The following SEPHS1 variants were observed in gnomAD, a reference collection of about 807,000 sequenced individuals.
SEPHS1 encodes selenophosphate synthetase 1, also known as zincore component SEPHS1.
A neutral mutation model predicts 39.2 loss-of-function variants in SEPHS1; 7 were observed. The observed-to-expected ratio is 0.18, with a 90% CI of 0.10 to 0.34. SEPHS1 has a LOEUF of 0.34. Among genes scored for constraint, SEPHS1 ranks in the 10% least tolerant of loss-of-function variants. The pLI is 1.00. For synonymous variants in SEPHS1, 190 were observed against 195.5 expected, an observed-to-expected ratio of 0.97 and a Z score of 0.23; for missense variants, 253 against 514.5, an observed-to-expected ratio of 0.49 and a Z score of 4.92.
intron 7 of SEPHS1, among the ~76,000 whole-genome samples, chr10:13,326,344 G>C (rs193156029): frequency 6.6e-6 from 1 of 152,052 alleles, no homozygotes; most frequent in African/African-American, 2.4e-5. Context: ...CGTGGTGGCG[G>C]GCGCCTATAA....
chr10:13,336,397 T>C (rs1833635825), intron 3 of SEPHS1, 47 bp from the exon 4 acceptor site: 2 of 1,426,804 alleles, frequency 1.4e-6, no homozygotes, highest in Middle Eastern at 1.7e-4. Context: ...GGACTTTCCA[T>C]CTGCAGAAAC....
At chr10:13,338,625 A>G (rs1249542695) in intron 3 of SEPHS1, 80 bp downstream of exon 3, 1 of 1,101,306 alleles carries the variant, frequency 9.1e-7, no homozygotes, top group East Asian at 2.4e-5. Flanking sequence ...AACCCCACAG[A>G]TACATACAAA....
intron 5 of SEPHS1, among the ~76,000 whole-genome samples, chr10:13,332,805 T>G (rs1265684457): frequency 6.6e-6 from 1 of 150,516 alleles, no homozygotes; most frequent in Non-Finnish European, 1.5e-5. Context: ...ATCATACCAC[T>G]GCACTCCAGC....
intron 2 of SEPHS1, 172 bp from the exon 3 acceptor site, chr10:13,338,980 T>C: frequency 3.3e-6 from 2 of 615,130 alleles, no homozygotes; most frequent in East Asian, 2.8e-5. Context: ...ACGTGAAACA[T>C]ATCCAGCTTA....
At chr10:13,327,095 G>A (rs10752295) in intron 7 of SEPHS1, among the ~76,000 whole-genome samples, 62,559 of 151,554 alleles carry the variant, frequency 0.41, 14,472 homozygotes, top group East Asian at 0.69. Flanking sequence ...AAAATCCGCC[G>A]GGCATGGTGA....
At chr10:13,338,654 A>G in intron 3 of SEPHS1, 51 bp downstream of exon 3, 1 of 1,455,632 alleles carries the variant, frequency 6.9e-7, no homozygotes, top group South Asian at 1.1e-5. Context: ...CACAACCCAA[A>G]CCAAACAAAT....
chr10:13,330,319 G>A (rs887558771), intron 5 of SEPHS1, among the ~76,000 whole-genome samples: 1 of 152,044 alleles, frequency 6.6e-6, no homozygotes, highest in African/African-American at 2.4e-5. Flanking sequence ...GGGGTTTGGT[G>A]GATTTGCAGG....
At chr10:13,326,672 C>T (rs1588536227) in intron 7 of SEPHS1, among the ~76,000 whole-genome samples, 1 of 151,704 alleles carries the variant, frequency 6.6e-6, no homozygotes, top group Admixed American at 6.6e-5. Context: ...CTCAGCCTCT[C>T]GAGTAGCTTA....
chr10:13,330,780 A>G (rs1296625660), intron 5 of SEPHS1, among the ~76,000 whole-genome samples: 1 of 152,158 alleles, frequency 6.6e-6, no homozygotes, highest in African/African-American at 2.4e-5. Context: ...ACCTGAAGAC[A>G]TAAATGTCTT....
intron 3 of SEPHS1, among the ~76,000 whole-genome samples, chr10:13,338,145 G>T (rs1833692577): frequency 6.6e-6 from 1 of 152,188 alleles, no homozygotes; most frequent in Non-Finnish European, 1.5e-5. Context: ...TAACTCAGTG[G>T]TCAGAAACCT....
Position 13,322,819 on chromosome 10 carries a change from G to A in SEPHS1, c.964+16C>T, listed in dbSNP as rs200972304. 115 of 1,609,708 alleles carry A rather than the reference G, an allele frequency of 7.1e-5. No homozygotes were observed. Among genetic ancestry groups the A allele is most frequent in the Middle Eastern group, 2.0e-4 (1 of 4,994 alleles). Reference sequence around the variant, plus strand: ...GCCTCACTATTTAGTCCTCAGATGCGCCCAGCATCCTGTACCTGAAGTCTC... The same window carrying A: ...GCCTCACTATTTAGTCCTCAGATGCACCCAGCATCCTGTACCTGAAGTCTC... On this transcript the variant is annotated intron_variant, in intron 8 of 8. Coordinates refer to ENST00000327347, the MANE Select transcript of SEPHS1 (RefSeq NM_012247.5).
intron 7 of SEPHS1, among the ~76,000 whole-genome samples, chr10:13,325,396 G>A (rs1033706996): frequency 3.9e-5 from 6 of 152,202 alleles, no homozygotes; most frequent in Non-Finnish European, 7.3e-5. Context: ...GGAGGTGACT[G>A]AATCATGAGG....
At chr10:13,343,995 T>C (rs890491958) in intron 2 of SEPHS1, among the ~76,000 whole-genome samples, 3 of 152,126 alleles carry the variant, frequency 2.0e-5, no homozygotes, top group Non-Finnish European at 2.9e-5. Flanking sequence ...AGCTCTGTGT[T>C]TGGGAAAAGT....
chr10:13,323,109 T>A, intron 7 of SEPHS1, 62 bp from the exon 8 acceptor site: 4 of 1,358,886 alleles, frequency 2.9e-6, no homozygotes, highest in Non-Finnish European at 4.2e-6. Context: ...AAATCTTACG[T>A]CCACAATTAA....
At position 13,344,760 on chromosome 10, in the gene SEPHS1, A is replaced by G; in HGVS notation, c.191T>C (p.Leu64Pro). The change falls in exon 2 of 9, where the codon CTT becomes CCT. Residue 64 changes from leucine to proline, a missense_variant and splice_region_variant. Leu to Pro is a moderately conservative substitution (Grantham distance 98, BLOSUM62 -3). Transcript: ENST00000327347. ...CAAAGAAACACTGGGTTACCTACCA[A>G]GCCTTGGCATAACGGCTCCCAGAAA... is the stretch of plus-strand genomic sequence containing the variant. ...EQFLGAVMPRLGIGMDTCVIP... is the reference protein window; with the variant it reads ...EQFLGAVMPRPGIGMDTCVIP... The G allele has an allele frequency of 6.6e-7, 1 of 1,514,004 alleles. No individual in the cohort carries two copies. The highest frequency in any genetic ancestry group is 8.9e-7 in the Non-Finnish European group (1 of 1,122,140). The allele number at this position is 1,514,004 out of a possible 1,614,324, so 93.8% of individuals were successfully genotyped here.
intron 1 of SEPHS1, among the ~76,000 whole-genome samples, chr10:13,346,782 C>T (rs773501340): frequency 3.9e-5 from 6 of 152,136 alleles, no homozygotes; most frequent in Non-Finnish European, 7.3e-5. Context: ...TACCTCCTAT[C>T]TATTCCTCTC....
rs1379216631 is a variant in SEPHS1 at position 13,318,896 on chromosome 10, C to T, written c.*246G>A. Reference sequence around the variant, plus strand: ...TGTCTAAAGATTCAAAATGAATCAACAGTATTGGATAACAATATAATTCTC... The same window carrying T: ...TGTCTAAAGATTCAAAATGAATCAATAGTATTGGATAACAATATAATTCTC... On this transcript the variant is annotated 3_prime_UTR_variant, in exon 9 of 9. Coordinates refer to ENST00000327347, the MANE Select transcript of SEPHS1 (RefSeq NM_012247.5). 19 of 480,182 alleles carry T rather than the reference C, an allele frequency of 4.0e-5. No individual in the cohort carries two copies. Among genetic ancestry groups the T allele is most frequent in the Non-Finnish European group, 6.5e-5 (18 of 274,828 alleles). The allele number at this position is 480,182 out of a possible 1,614,324, so 29.7% of individuals were successfully genotyped here. A position where few individuals can be genotyped will look rare whatever the true frequency, so the allele number is the denominator to read the frequency against.
At chr10:13,333,997 A>G in intron 4 of SEPHS1, 26 bp from the exon 5 acceptor site, 1 of 1,583,940 alleles carries the variant, frequency 6.3e-7, no homozygotes, top group African/African-American at 1.4e-5. Context: ...GTACAAATAA[A>G]AAGTCAAAGA....
At chr10:13,341,449 T>C (rs1547772) in intron 2 of SEPHS1, among the ~76,000 whole-genome samples, 95,115 of 149,002 alleles carry the variant, frequency 0.64, 30,384 homozygotes, top group East Asian at 0.77. Context: ...CCCCAACCCC[T>C]GCACCGCCCC....
Sources: allele counts gnomAD v4.1 joint callset (sites outside exome capture counted in the v4.1 genomes callset), GRCh38; gene constraint gnomAD v4.1.1; transcripts MANE v1.5; gene names NCBI Gene and HGNC (gene_info 2026-07-23, HGNC 2026-07-21).